Variants in MRE11 observed in about 807,000 individuals in gnomAD.
The protein encoded by MRE11 is double-strand break repair protein MRE11.
In MRE11, 62 loss-of-function variants were observed where a neutral mutation model predicts 91.7. The observed-to-expected ratio is 0.68, with a 90% CI of 0.55 to 0.84. MRE11 has a LOEUF of 0.84. MRE11 is among the 40% of genes least tolerant of loss of function. The pLI is 0.00. For synonymous variants in MRE11, 273 were observed against 271.4 expected (o/e 1.01, Z -0.06); for missense variants, 796 against 852.9 (o/e 0.93, Z 0.83).
intron 15 of MRE11, among the ~76,000 whole-genome samples, chr11:94,446,226 G>T (rs1945926289): frequency 6.6e-6 from 1 of 152,108 alleles, no homozygotes; most frequent in East Asian, 1.9e-4. Context: ...TGGCCAACAT[G>T]GTGAAACCCC....
At chr11:94,454,320 T>G (rs1451296910) in intron 14 of MRE11, among the ~76,000 whole-genome samples, 2 of 152,094 alleles carry the variant, frequency 1.3e-5, no homozygotes, top group African/African-American at 4.8e-5. Context: ...GAGATCCACC[T>G]GCCTCGGCCT....
chr11:94,494,057 C>G (rs1182101228), upstream of MRE11: 9 of 152,444 alleles, frequency 5.9e-5, no homozygotes, highest in South Asian at 2.1e-4. Flanking sequence ...TTCCCTGTCC[C>G]GGACCTCGCT....
chr11:94,447,456 G>A lies in MRE11; in HGVS notation c.1564-18C>T. The A allele has an allele frequency of 6.2e-7, 1 of 1,609,010 alleles. No homozygotes were observed. Among genetic ancestry groups the A allele is most frequent in the African/African-American group, 1.3e-5 (1 of 74,912 alleles). On this transcript the variant is annotated intron_variant, in intron 14 of 19. Coordinates refer to ENST00000323929, the MANE Select transcript of MRE11 (RefSeq NM_005591.4). ...GTCATAGCCTAAGAGGGAGAAGAAG[G>A]AGAAAGTACACACAATGAGATAACG...
chr11:94,458,701 T>C (rs988101177), intron 13 of MRE11, among the ~76,000 whole-genome samples: 3 of 152,166 alleles, frequency 2.0e-5, no homozygotes, highest in Non-Finnish European at 2.9e-5. Flanking sequence ...GTGTGCTAGA[T>C]ACTATTTTTC....
In MRE11 at chr11:94,471,707, T is replaced by C. The variant is rs1591695421; in HGVS notation, c.712A>G (p.Ile238Val). 6.2e-7 allele frequency: 1 copy of C among 1,612,626 alleles called. No homozygotes were observed. Among genetic ancestry groups the C allele is most frequent in the Non-Finnish European group, 8.5e-7 (1 of 1,179,074 alleles). The change falls in exon 8 of 20, where the codon ATT becomes GTT. Residue 238 changes from isoleucine (I) to valine (V), a missense_variant. Transcript: ENST00000323929. ...TCATGGCCCCAGATAACAAGATCAA[T>C]GAAGTCATCCAAAAATTGTTCTGGA... ...FIPEQFLDDF[I>V]DLVIWGHEHE...
At chr11:94,508,096 A>G in the MRE11 span, among the ~76,000 whole-genome samples, 3 of 152,108 alleles carry the variant, frequency 2.0e-5, no homozygotes, top group Non-Finnish European at 2.9e-5. Context: ...CAGCCTCCCA[A>G]GTAGCTAGGA....
chr11:94,480,105 CAT>C (rs1160322967), intron 4 of MRE11, among the ~76,000 whole-genome samples: 2 of 151,986 alleles, frequency 1.3e-5, no homozygotes, highest in African/African-American at 4.8e-5. Flanking sequence ...GAAGAAAATC[CAT>C]ATACTTTAGA....
intron 7 of MRE11, chr11:94,475,509 C>T: frequency 2.3e-6 from 1 of 443,392 alleles, no homozygotes; most frequent in South Asian, 1.6e-5. Context: ...GTGTGTCCCT[C>T]CCATTTCTGT....
intron 16 of MRE11, among the ~76,000 whole-genome samples, chr11:94,438,154 CAAA>C (rs1178356854): frequency 6.6e-6 from 1 of 151,772 alleles, no homozygotes; most frequent in African/African-American, 2.4e-5. Context: ...CAAAACAAAA[CAAA>C]ACCTACAATA....
intron 18 of MRE11, among the ~76,000 whole-genome samples, chr11:94,431,000 C>A (rs1285031188): frequency 1.3e-4 from 20 of 152,214 alleles, no homozygotes; most frequent in African/African-American, 4.6e-4. Flanking sequence ...TCTTGACCTG[C>A]CGAGCCTAAA....
intron 8 of MRE11, 50 bp from the exon 9 acceptor site, chr11:94,470,692 G>A (rs1163517901): frequency 6.3e-7 from 1 of 1,585,318 alleles, no homozygotes; most frequent in South Asian, 1.1e-5. Flanking sequence ...TTTCCTCAGG[G>A]TGATGTGCAA....
Position 94,419,459 on chromosome 11 carries a change from G to GGAGTGGGGGAGAGA in MRE11, c.*665_*666insTCTCTCCCCCACTC, listed in dbSNP as rs1945109104. ...AGAAAGGAAGAGTGGGGAACGGGGG[G>GGAGTGGGGGAGAGA]GAGAGGGAGAGAGAGAGAGAGAGAG... On this transcript the variant is annotated 3_prime_UTR_variant, in exon 20 of 20. Coordinates refer to ENST00000323929, the MANE Select transcript of MRE11 (RefSeq NM_005591.4). 5.4e-6 allele frequency: 1 copy of GGAGTGGGGGAGAGA among 183,512 alleles called. No individual in the cohort carries two copies. The highest frequency in any genetic ancestry group is 7.1e-5 in the East Asian group (1 of 14,008). The allele number at this position is 183,512 out of a possible 1,614,324, so 11.4% of individuals were successfully genotyped here. A position where few individuals can be genotyped will look rare whatever the true frequency, so the allele number is the denominator to read the frequency against.
intron 18 of MRE11, among the ~76,000 whole-genome samples, chr11:94,430,573 C>T (rs146736287): frequency 5.3e-5 from 8 of 151,928 alleles, no homozygotes; most frequent in Admixed American, 2.0e-4. Flanking sequence ...CTCCACCTCC[C>T]AGTTCAAGCG....
rs1165912193 is a variant in MRE11, at chr11:94,419,453, CG to C, written c.*671del. ...CAAAGGAGAAAGGAAGAGTGGGGAA[CG>C]GGGGGGAGAGGGAGAGAGAGAGAGA... On this transcript the variant is annotated 3_prime_UTR_variant, in exon 20 of 20. Coordinates refer to ENST00000323929, the MANE Select transcript of MRE11 (RefSeq NM_005591.4). The C allele has an allele frequency of 1.2e-5, 2 of 173,126 alleles. No individual in the cohort carries two copies. Among genetic ancestry groups the C allele is most frequent in the Non-Finnish European group, 2.2e-5 (2 of 92,630 alleles). The allele number at this position is 173,126 out of a possible 1,614,324, so 10.7% of individuals were successfully genotyped here.
the MRE11 span, chr11:94,499,665 A>G: frequency 6.6e-6 from 1 of 152,206 alleles, no homozygotes; most frequent in Non-Finnish European, 1.5e-5. Flanking sequence ...GTTATTTAAC[A>G]TCTACTCACT....
upstream of MRE11, chr11:94,497,534 C>T (rs2135162035): frequency 6.4e-6 from 1 of 156,930 alleles, no homozygotes; most frequent in Admixed American, 6.4e-5. Context: ...ACCAGAGGCC[C>T]ATAGAACAAA....
In MRE11 at chr11:94,419,678, A is replaced by C. The variant is rs886048757; in HGVS notation, c.*447T>G. ...ACTTCTAATCATTTAGTCTTATAAG[A>C]AGCATTGGAAAAAAACATACATAGT... On this transcript the variant is annotated 3_prime_UTR_variant, in exon 20 of 20. Coordinates refer to ENST00000323929, the MANE Select transcript of MRE11 (RefSeq NM_005591.4). The C allele has an allele frequency of 4.2e-6, 1 of 236,642 alleles. No individual in the cohort carries two copies. Among genetic ancestry groups the C allele is most frequent in the Non-Finnish European group, 8.3e-6 (1 of 120,406 alleles). The allele number at this position is 236,642 out of a possible 1,614,324, so 14.7% of individuals were successfully genotyped here.
At chr11:94,420,274 G>C (rs2134734292) in intron 19 of MRE11, 93 bp from the exon 20 acceptor site, 1 of 958,236 alleles carries the variant, frequency 1.0e-6, no homozygotes, top group East Asian at 2.4e-5. Context: ...ACCAGTGAGA[G>C]TCATTTCACA....
chr11:94,503,991 C>T, the MRE11 span, among the ~76,000 whole-genome samples: 2 of 152,110 alleles, frequency 1.3e-5, no homozygotes, highest in Non-Finnish European at 2.9e-5. Context: ...TTCAGTGGGA[C>T]ATTCTCTTAA....
Sources: gnomAD v4.1 joint callset for allele counts (sites outside exome capture counted in the v4.1 genomes callset) on GRCh38, gnomAD v4.1.1 for gene constraint, MANE v1.5 for transcripts, NCBI Gene and HGNC (gene_info 2026-07-23, HGNC 2026-07-21) for gene names.